SEMA6D: variants seen among roughly 807,000 people sequenced by gnomAD.
SEMA6D encodes the protein semaphorin 6D.
Under a neutral mutation model 106.6 loss-of-function variants are expected in SEMA6D, and 35 were observed. That is an observed-to-expected ratio of 0.33 (90% CI 0.25 to 0.44). The LOEUF (loss-of-function observed/expected upper bound fraction) is 0.44, where lower values mean the gene tolerates loss of function less well. Ranked by LOEUF, SEMA6D falls within the 20% of genes least tolerant of loss-of-function variation. The probability of loss-of-function intolerance (pLI) is 1.00; values close to 1 mark genes in which losing one functional copy is unlikely to be tolerated. For missense variants in SEMA6D, 1,185 were observed against 1,345.9 expected, an observed-to-expected ratio of 0.88 and a Z score of 1.87; for synonymous variants, 499 against 487.7, an observed-to-expected ratio of 1.02 and a Z score of -0.31.
intron 1 of SEMA6D, among the ~76,000 whole-genome samples, chr15:47,256,714 C>T (rs1335621979): frequency 6.6e-6 from 1 of 151,944 alleles, no homozygotes; most frequent in Non-Finnish European, 1.5e-5. Flanking sequence ...CAAAAATTAG[C>T]CGGGCTTGGT....
At chr15:47,411,510 A>G (rs1026281099) in intron 1 of SEMA6D, among the ~76,000 whole-genome samples, 2 of 152,134 alleles carry the variant, frequency 1.3e-5, no homozygotes, top group African/African-American at 4.8e-5. Flanking sequence ...TAAATATAAA[A>G]CTTATATCTC....
At chr15:47,574,915 T>C (rs2076130850) in intron 3 of SEMA6D, among the ~76,000 whole-genome samples, 1 of 152,184 alleles carries the variant, frequency 6.6e-6, no homozygotes, top group South Asian at 2.1e-4. Flanking sequence ...CTAATCTACC[T>C]AGGAAATGAC....
chr15:47,547,566 G>A (rs1475850261), intron 3 of SEMA6D, among the ~76,000 whole-genome samples: 1 of 151,838 alleles, frequency 6.6e-6, no homozygotes, highest in Admixed American at 6.6e-5. Flanking sequence ...TTCAGCATTT[G>A]GTAAGTCCCA....
intron 3 of SEMA6D, among the ~76,000 whole-genome samples, chr15:47,533,259 A>AG (rs1045531925): frequency 4.6e-5 from 7 of 152,218 alleles, no homozygotes; most frequent in African/African-American, 1.7e-4. Flanking sequence ...AATCTAGTTC[A>AG]GGCAGTATAG....
intron 1 of SEMA6D, among the ~76,000 whole-genome samples, chr15:47,299,705 C>T (rs1271309699): frequency 2.0e-5 from 3 of 152,180 alleles, no homozygotes; most frequent in African/African-American, 7.2e-5. Context: ...CTATTAAATA[C>T]ACTTGAGTAA....
chr15:47,625,551 C>T (rs2077187548), intron 4 of SEMA6D, among the ~76,000 whole-genome samples: 2 of 151,876 alleles, frequency 1.3e-5, no homozygotes, highest in Non-Finnish European at 2.9e-5. Flanking sequence ...ATGGTGAAAC[C>T]CCGTCTCTAC....
At chr15:47,542,700 G>A (rs530417417) in intron 3 of SEMA6D, among the ~76,000 whole-genome samples, 20 of 151,928 alleles carry the variant, frequency 1.3e-4, no homozygotes, top group South Asian at 4.1e-4. Context: ...ACTTGTTTCC[G>A]CTAGTTACAG....
At chr15:47,453,431 C>A (rs1474399798) in intron 2 of SEMA6D, among the ~76,000 whole-genome samples, 1 of 151,926 alleles carries the variant, frequency 6.6e-6, no homozygotes, top group African/African-American at 2.4e-5. Context: ...GAGGTTATGA[C>A]AACAGCTATT....
intron 2 of SEMA6D, among the ~76,000 whole-genome samples, chr15:47,431,348 A>G (rs1346899647): frequency 1.3e-5 from 2 of 152,150 alleles, no homozygotes; most frequent in African/African-American, 4.8e-5. Flanking sequence ...TCAAAGCACA[A>G]TTTGAGCATA....
intron 1 of SEMA6D, among the ~76,000 whole-genome samples, chr15:47,337,329 C>CA (rs954671394): frequency 1.5e-4 from 23 of 152,096 alleles, no homozygotes; most frequent in African/African-American, 5.5e-4. Flanking sequence ...TGTTTATCAG[C>CA]AAAAAAGAGA....
intron 3 of SEMA6D, among the ~76,000 whole-genome samples, chr15:47,593,978 G>A (rs546131490): frequency 3.9e-5 from 6 of 152,292 alleles, no homozygotes; most frequent in Admixed American, 2.0e-4. Flanking sequence ...CAACATTGGG[G>A]ATTACAATTC....
chr15:47,724,153 TTGG>T (rs2146417237), intron 1 of SEMA6D, among the ~76,000 whole-genome samples: 1 of 152,344 alleles, frequency 6.6e-6, no homozygotes, highest in Non-Finnish European at 1.5e-5. Context: ...CTCTGGGTAA[TTGG>T]TGGATCAAAT....
intron 4 of SEMA6D, among the ~76,000 whole-genome samples, chr15:47,631,693 C>G (rs1017646856): frequency 3.3e-5 from 5 of 151,922 alleles, no homozygotes; most frequent in Non-Finnish European, 7.4e-5. Flanking sequence ...GGAAATAGGT[C>G]TTTCCCTAGA....
intron 4 of SEMA6D, among the ~76,000 whole-genome samples, chr15:47,673,414 C>G (rs73392867): frequency 0.088 from 13,409 of 152,220 alleles, 1,989 homozygotes; most frequent in African/African-American, 0.31. Flanking sequence ...TCCCCCTCCT[C>G]CTTCCCTTCT....
At chr15:47,478,493 AAG>A (rs1794205158) in intron 3 of SEMA6D, among the ~76,000 whole-genome samples, 2 of 152,198 alleles carry the variant, frequency 1.3e-5, no homozygotes, top group South Asian at 4.1e-4. Flanking sequence ...ATTATAGAGA[AAG>A]AATAATGCTA....
At chr15:47,552,891 A>AATATATATATATTTTT (rs71118186) in intron 3 of SEMA6D, among the ~76,000 whole-genome samples, 3 of 35,282 alleles carry the variant, frequency 8.5e-5, no homozygotes, top group African/African-American at 3.5e-4. Context: ...AATATATATA[A>AATATATATATATTTTT]ATATATATAT....
chr15:47,599,235 G>T (rs1447251690), intron 3 of SEMA6D, among the ~76,000 whole-genome samples: 1 of 152,092 alleles, frequency 6.6e-6, no homozygotes, highest in Non-Finnish European at 1.5e-5. Context: ...AAGAGGGTCT[G>T]AGGTAACATC....
At chr15:47,687,059 C>T (rs1419227995) in intron 4 of SEMA6D, among the ~76,000 whole-genome samples, 2 of 114,140 alleles carry the variant, frequency 1.8e-5, no homozygotes, top group African/African-American at 3.3e-5. Flanking sequence ...CAGCAAGACC[C>T]TGTATCCAAA....
chr15:47,579,515 TAAG>T (rs1470607366), intron 3 of SEMA6D, among the ~76,000 whole-genome samples: 1 of 152,178 alleles, frequency 6.6e-6, no homozygotes, highest in Non-Finnish European at 1.5e-5. Flanking sequence ...TGCCCTATGT[TAAG>T]AAGGACTGCT....
Sources: gnomAD v4.1 joint callset for allele counts (sites outside exome capture counted in the v4.1 genomes callset) on GRCh38, gnomAD v4.1.1 for gene constraint, MANE v1.5 for transcripts, NCBI Gene and HGNC (gene_info 2026-07-23, HGNC 2026-07-21) for gene names.